CDH8: variants seen among roughly 807,000 people sequenced by gnomAD.
CDH8 encodes the protein cadherin-8.
A neutral mutation model predicts 68.1 loss-of-function variants in CDH8; 17 were observed. That is an observed-to-expected ratio of 0.25 (90% CI 0.17 to 0.37). The LOEUF (loss-of-function observed/expected upper bound fraction) is 0.37, where lower values mean the gene tolerates loss of function less well. Among genes scored for constraint, CDH8 ranks in the 10% least tolerant of loss-of-function variants. The probability of loss-of-function intolerance (pLI) is 1.00; values close to 1 mark genes in which losing one functional copy is unlikely to be tolerated. For missense variants in CDH8, 763 were observed against 999.3 expected (o/e 0.76, Z 3.19); for synonymous variants, 372 against 365.1 (o/e 1.02, Z -0.21).
At chr16:62,007,638 T>C (rs761623354) in intron 2 of CDH8, among the ~76,000 whole-genome samples, 8 of 152,150 alleles carry the variant, frequency 5.3e-5, no homozygotes, top group Non-Finnish European at 1.0e-4. Context: ...GAAAAGTATA[T>C]ACAAAAGTAT....
intron 3 of CDH8, among the ~76,000 whole-genome samples, chr16:61,881,165 T>C (rs1302826937): frequency 6.6e-6 from 1 of 152,192 alleles, no homozygotes; most frequent in Non-Finnish European, 1.5e-5. Flanking sequence ...ATTCCTAACC[T>C]ACATAACTAT....
At chr16:61,654,681 T>C (rs66470123) in intron 11 of CDH8, among the ~76,000 whole-genome samples, 18,909 of 152,138 alleles carry the variant, frequency 0.12, 1,209 homozygotes, top group African/African-American at 0.15. Context: ...AAGGAAAACA[T>C]ACCCAACTAG....
chr16:61,921,339 A>G (rs998440686), intron 2 of CDH8, among the ~76,000 whole-genome samples: 1 of 152,036 alleles, frequency 6.6e-6, no homozygotes, highest in Non-Finnish European at 1.5e-5. Context: ...CTTTATTTGT[A>G]AAACCTCATG....
chr16:61,973,421 A>C (rs961949308), intron 2 of CDH8, among the ~76,000 whole-genome samples: 4 of 152,240 alleles, frequency 2.6e-5, no homozygotes, highest in Non-Finnish European at 5.9e-5. Flanking sequence ...CTTCCAGTCA[A>C]GAATAGGCAC....
intron 1 of CDH8, among the ~76,000 whole-genome samples, chr16:62,024,602 A>G (rs1433065345): frequency 6.6e-6 from 1 of 152,196 alleles, no homozygotes; most frequent in Non-Finnish European, 1.5e-5. Context: ...AAAAATGATA[A>G]TAGACTCTGG....
intron 4 of CDH8, among the ~76,000 whole-genome samples, chr16:61,836,381 C>T (rs1350802454): frequency 6.6e-6 from 1 of 151,906 alleles, no homozygotes; most frequent in Non-Finnish European, 1.5e-5. Context: ...ACAGCACTTA[C>T]CCCAAAATAT....
intron 7 of CDH8, among the ~76,000 whole-genome samples, chr16:61,791,252 G>A (rs1961370350): frequency 6.6e-6 from 1 of 151,880 alleles, no homozygotes; most frequent in Non-Finnish European, 1.5e-5. Context: ...AGAACTGAGA[G>A]ACAGGTAAGT....
chr16:61,824,739 TAGC>T (rs1962291173), intron 5 of CDH8, among the ~76,000 whole-genome samples: 3 of 151,978 alleles, frequency 2.0e-5, no homozygotes, highest in Admixed American at 2.0e-4. Context: ...TAAAGAGAAA[TAGC>T]AGGCAAAAGA....
intron 1 of CDH8, among the ~76,000 whole-genome samples, chr16:62,025,829 T>C (rs976133287): frequency 6.6e-6 from 1 of 152,018 alleles, no homozygotes; most frequent in African/African-American, 2.4e-5. Context: ...TAAAGAACTA[T>C]ACATACACAG....
chr16:61,702,040 C>T (rs1052633360), intron 10 of CDH8, among the ~76,000 whole-genome samples: 1 of 152,002 alleles, frequency 6.6e-6, no homozygotes, highest in Non-Finnish European at 1.5e-5. Context: ...ACTATTAGCC[C>T]AATACAAGAG....
intron 10 of CDH8, among the ~76,000 whole-genome samples, chr16:61,655,968 G>A (rs1469414281): frequency 1.3e-5 from 2 of 151,638 alleles, no homozygotes; most frequent in Admixed American, 1.3e-4. Context: ...CGCCTCCCGG[G>A]TTCACGCCAT....
At chr16:61,881,525 A>G (rs1223384391) in intron 3 of CDH8, among the ~76,000 whole-genome samples, 1 of 152,188 alleles carries the variant, frequency 6.6e-6, no homozygotes, top group Non-Finnish European at 1.5e-5. Flanking sequence ...TCCTAAGCAA[A>G]CATATCAGAA....
At chr16:61,868,204 A>G (rs1480278601) in intron 3 of CDH8, among the ~76,000 whole-genome samples, 2 of 152,216 alleles carry the variant, frequency 1.3e-5, no homozygotes, top group African/African-American at 4.8e-5. Flanking sequence ...TAACTGCTAC[A>G]CAAACACTAT....
intron 1 of CDH8, among the ~76,000 whole-genome samples, chr16:62,025,770 AC>A (rs1397116789): frequency 6.6e-6 from 1 of 152,168 alleles, no homozygotes; most frequent in Non-Finnish European, 1.5e-5. Context: ...CTTTAAAATT[AC>A]GAGGTTAATA....
rs141640203 is a variant in CDH8 at position 61,672,618 on chromosome 16, TATCTC to T, written c.1655-16902_1655-16898del. ...TATTACCATATGCAAGATTATCAGT[TATCTC>T]AGCTTTGAAACAAAGCAGAAAGCTA... On this transcript the variant is annotated intron_variant, in intron 10 of 11. Coordinates refer to ENST00000577390, the MANE Select transcript of CDH8 (RefSeq NM_001796.5). Among the ~76,000 whole-genome samples, 407 of 152,194 alleles carry T rather than the reference TATCTC, an allele frequency of 2.7e-3. 2 individuals carry two copies. The highest frequency in any genetic ancestry group is 9.2e-3 in the African/African-American group (383 of 41,572).
chr16:61,690,113 A>G (rs1313711124), intron 10 of CDH8, among the ~76,000 whole-genome samples: 2 of 152,144 alleles, frequency 1.3e-5, no homozygotes, highest in South Asian at 2.1e-4. Context: ...GTCCTAGGGG[A>G]TTTATACTGG....
chr16:61,788,245 A>G (rs1961286059), intron 8 of CDH8, among the ~76,000 whole-genome samples: 2 of 152,284 alleles, frequency 1.3e-5, no homozygotes, highest in South Asian at 2.1e-4. Context: ...TCTTTTTTAA[A>G]TACAAACAAA....
chr16:61,898,424 C>T (rs1002307460), intron 3 of CDH8, among the ~76,000 whole-genome samples: 1 of 152,084 alleles, frequency 6.6e-6, no homozygotes, highest in African/African-American at 2.4e-5. Context: ...CCTGAAATCA[C>T]TTGTGATTTG....
intron 2 of CDH8, among the ~76,000 whole-genome samples, chr16:62,003,566 G>T (rs545377694): frequency 2.6e-5 from 4 of 152,116 alleles, no homozygotes; most frequent in Admixed American, 1.3e-4. Context: ...CTCTTAGATG[G>T]CTCAAAAGAA....
Sources: allele counts gnomAD v4.1 joint callset (sites outside exome capture counted in the v4.1 genomes callset), GRCh38; gene constraint gnomAD v4.1.1; transcripts MANE v1.5; gene names NCBI Gene and HGNC (gene_info 2026-07-23, HGNC 2026-07-21).